Variants in SDR42E1 observed in about 807,000 individuals in gnomAD.
The protein encoded by SDR42E1 is short chain dehydrogenase/reductase family 42E, member 1.
In SDR42E1, 5 loss-of-function variants were observed where a neutral mutation model predicts 2.6. That is an observed-to-expected ratio of 1.94 (90% CI 1.01 to 4.08). The LOEUF (loss-of-function observed/expected upper bound fraction) is 4.08, where lower values mean the gene tolerates loss of function less well. Among genes scored for constraint, SDR42E1 ranks in the 30% most tolerant of loss-of-function variants. The probability of loss-of-function intolerance (pLI) is 0.00; values close to 1 mark genes in which losing one functional copy is unlikely to be tolerated. For synonymous variants in SDR42E1, 231 were observed against 188.3 expected (o/e 1.23, Z -1.86); for missense variants, 596 against 478.6 (o/e 1.25, Z -2.29).
chr16:82,006,380 A>G (rs1290781516), intron 1 of SDR42E1, among the ~76,000 whole-genome samples: 1 of 152,260 alleles, frequency 6.6e-6, no homozygotes, highest in East Asian at 1.9e-4. Flanking sequence ...AATTCCATGC[A>G]TGATCTGAAA....
chr16:82,001,068 G>A (rs555733262), intron 1 of SDR42E1, among the ~76,000 whole-genome samples, 184 bp from the exon 2 acceptor site: 3 of 152,168 alleles, frequency 2.0e-5, no homozygotes, highest in South Asian at 4.1e-4. Flanking sequence ...AATTTCACCC[G>A]ATGTAACATG....
At position 81,991,707 on chromosome 16, in the gene SDR42E1, C is replaced by CAA. The variant is rs61406883; in HGVS notation, c.*7402_*7403dup. ...GCCTGGGTGACAGACGAGACTCTATCAAAAAAAAAAAAAAAAAAATTTGGT... is the reference window on the plus strand; with the variant it reads ...GCCTGGGTGACAGACGAGACTCTATCAAAAAAAAAAAAAAAAAAAAATTTGGT... On this transcript the variant is annotated 3_prime_UTR_variant, in exon 3 of 3. Coordinates refer to ENST00000328945, the MANE Select transcript of SDR42E1 (RefSeq NM_145168.3). 0.077 allele frequency: 8,501 copies of CAA among 109,736 alleles called. 456 individuals carry two copies. The highest frequency in any genetic ancestry group is 0.15 in the African/African-American group (4,744 of 31,930). 6.8% of individuals were successfully genotyped at this position (109,736 alleles called of 1,614,324 possible).
rs1388640402 is a variant in SDR42E1, at chr16:81,999,269, C to G, written c.1024G>C (p.Asp342His). 6.2e-7 allele frequency: 1 copy of G among 1,614,200 alleles called. No individual in the cohort carries two copies. Among genetic ancestry groups the G allele is most frequent in the South Asian group, 1.1e-5 (1 of 91,080 alleles). The change falls in exon 3 of 3, where the codon GAC becomes CAC. Residue 342 changes from aspartate (D) to histidine (H), a missense_variant. Asp to His is a moderately conservative substitution (Grantham distance 81). Coordinates refer to ENST00000328945, the MANE Select transcript of SDR42E1 (RefSeq NM_145168.3). ...AACCATTCCACTGCTTCCTGGAGGT[C>G]AAATGGCTGAGCCTTATAACCTAGC... ...KELGYKAQPF[D>H]LQEAVEWFKA... is the part of the protein sequence containing the mutation.
At chr16:82,010,287 T>A (rs1455023932) in intron 1 of SDR42E1, among the ~76,000 whole-genome samples, 1 of 152,182 alleles carries the variant, frequency 6.6e-6, no homozygotes, top group African/African-American at 2.4e-5. Context: ...AGATCAGAGG[T>A]TAGGAACCTT....
chr16:82,000,938 C>T (rs568148941), intron 1 of SDR42E1, 54 bp from the exon 2 acceptor site: 1 of 1,289,092 alleles, frequency 7.8e-7, no homozygotes, highest in Admixed American at 2.0e-5. Flanking sequence ...ACGTCATTCT[C>T]CCTAATTTTG....
Position 82,000,007 on chromosome 16 carries a change from T to G in SDR42E1, c.286A>C (p.Lys96Gln), listed in dbSNP as rs16956174. 1 of 1,613,980 alleles carries G rather than the reference T, an allele frequency of 6.2e-7. No individual in the cohort carries two copies. Among genetic ancestry groups the G allele is most frequent in the African/African-American group, 1.3e-5 (1 of 74,852 alleles). The change falls in exon 3 of 3, where the codon AAA becomes CAA. Residue 96 changes from lysine to glutamine, a missense_variant. Transcript: ENST00000328945. ...GREQLNRNLIKEVNVRGTDNI... is the reference protein window; with the variant it reads ...GREQLNRNLIQEVNVRGTDNI... ...TCTGTGCCCCTGACGTTGACTTCTT[T>G]GATCAGGTTTCGATTGAGTTGCTCC...
In SDR42E1 at chr16:81,995,441, T is replaced by C. The variant is rs1248465276; in HGVS notation, c.*3670A>G. On this transcript the variant is annotated 3_prime_UTR_variant, in exon 3 of 3. Coordinates refer to ENST00000328945, the MANE Select transcript of SDR42E1 (RefSeq NM_145168.3). ...TCCCTTTCAGGAAATAGACTAAGTC[T>C]TTTAAAGTGGTGAGTTTTCAGCTGA... 6.6e-6 allele frequency: 1 copy of C among 152,214 alleles called. No homozygotes were observed. Among genetic ancestry groups the C allele is most frequent in the East Asian group, 1.9e-4 (1 of 5,202 alleles). The allele number at this position is 152,214 out of a possible 1,614,324, so 9.4% of individuals were successfully genotyped here.
Position 81,999,984 on chromosome 16 carries a change from T to C in SDR42E1, c.309A>G (p.Thr103=). The change falls in exon 3 of 3, where the codon ACA becomes ACG. Residue 103 remains threonine, a synonymous_variant. Transcript: ENST00000328945. ...TTTGGCAAACCTGGAGGATGTTGTC[T>C]GTGCCCCTGACGTTGACTTCTTTGA... ...NLIKEVNVRG[T]DNILQVCQRR... The C allele has an allele frequency of 6.2e-7, 1 of 1,614,240 alleles. No individual in the cohort carries two copies. The highest frequency in any genetic ancestry group is 8.5e-7 in the Non-Finnish European group (1 of 1,180,036).
rs1912628948 is a variant in SDR42E1 at position 81,999,016 on chromosome 16, T to G, written c.*95A>C. On this transcript the variant is annotated 3_prime_UTR_variant, in exon 3 of 3. Coordinates refer to ENST00000328945, the MANE Select transcript of SDR42E1 (RefSeq NM_145168.3). ...CTTAAGTAGCAATTTGAAGAGCCAA[T>G]GTTTGGCACCAGATATCACTGTACA... The G allele has an allele frequency of 2.3e-6, 3 of 1,329,982 alleles. No homozygotes were observed. The highest frequency in any genetic ancestry group is 4.7e-5 in the East Asian group (2 of 42,742). 82.4% of individuals were successfully genotyped at this position (1,329,982 alleles called of 1,614,324 possible).
rs958646121 is a variant in SDR42E1 at position 81,992,777 on chromosome 16, C to T, written c.*6334G>A. 1 of 151,922 alleles carries T rather than the reference C, an allele frequency of 6.6e-6. No individual in the cohort carries two copies. The highest frequency in any genetic ancestry group is 1.5e-5 in the Non-Finnish European group (1 of 68,008). 9.4% of individuals were successfully genotyped at this position (151,922 alleles called of 1,614,324 possible). A position where few individuals can be genotyped will look rare whatever the true frequency, so the allele number is the denominator to read the frequency against. On this transcript the variant is annotated 3_prime_UTR_variant, in exon 3 of 3. Coordinates refer to ENST00000328945, the MANE Select transcript of SDR42E1 (RefSeq NM_145168.3). The stretch of plus-strand genomic sequence containing the variant: ...CTTTGTAGTGAACTAGATTTGGCCT[C>T]GGTCATAATTACTTGAGTTCAATGA...
Position 81,993,146 on chromosome 16 carries a change from G to T in SDR42E1, c.*5965C>A, listed in dbSNP as rs545288959. The T allele has an allele frequency of 3.1e-3, 471 of 152,358 alleles. 7 individuals carry two copies. The highest frequency in any genetic ancestry group is 0.029 in the South Asian group (142 of 4,828). 9.4% of individuals were successfully genotyped at this position (152,358 alleles called of 1,614,324 possible). On this transcript the variant is annotated 3_prime_UTR_variant, in exon 3 of 3. Coordinates refer to ENST00000328945, the MANE Select transcript of SDR42E1 (RefSeq NM_145168.3). ...AGGTGGGGGGTCACTCGAATCCAAG[G>T]CCCTTTGGCGAGTCCCATCTCCCCC...
intron 1 of SDR42E1, among the ~76,000 whole-genome samples, chr16:82,001,456 TAAAGTA>T (rs1567564510): frequency 6.6e-6 from 1 of 152,098 alleles, no homozygotes; most frequent in African/African-American, 2.4e-5. Context: ...TGCAAGTACT[TAAAGTA>T]CAAGTGCTCA....
rs1912586121 is a variant in SDR42E1 at position 81,997,933 on chromosome 16, C to G, written c.*1178G>C. 6.6e-6 allele frequency: 1 copy of G among 152,226 alleles called. No individual in the cohort carries two copies. The highest frequency in any genetic ancestry group is 1.5e-5 in the Non-Finnish European group (1 of 68,044). The allele number at this position is 152,226 out of a possible 1,614,324, so 9.4% of individuals were successfully genotyped here. A position where few individuals can be genotyped will look rare whatever the true frequency, so the allele number is the denominator to read the frequency against. On this transcript the variant is annotated 3_prime_UTR_variant, in exon 3 of 3. Transcript: ENST00000328945. ...TTGTATTTTACAGATACTCTCAAGA[C>G]TAACTCTAGCAGAACTTTCCACAGT...
intron 1 of SDR42E1, among the ~76,000 whole-genome samples, chr16:82,009,040 G>C (rs1567567790): frequency 1.3e-5 from 2 of 152,148 alleles, no homozygotes; most frequent in African/African-American, 2.4e-5. Flanking sequence ...CCCAAGCCTT[G>C]GAAACTTCCA....
In SDR42E1 at chr16:81,994,561, C is replaced by G. The variant is rs1324232688; in HGVS notation, c.*4550G>C. The G allele has an allele frequency of 6.6e-6, 1 of 152,210 alleles. No individual in the cohort carries two copies. The highest frequency in any genetic ancestry group is 1.9e-4 in the East Asian group (1 of 5,190). 9.4% of individuals were successfully genotyped at this position (152,210 alleles called of 1,614,324 possible). On this transcript the variant is annotated 3_prime_UTR_variant, in exon 3 of 3. Transcript: ENST00000328945. Reference sequence around the variant, plus strand: ...CCAAAAAGGAGCATGGGGTATCATTCTCTAAAGTGAGATATGCTGGTGAAC... The same window carrying G: ...CCAAAAAGGAGCATGGGGTATCATTGTCTAAAGTGAGATATGCTGGTGAAC...
chr16:82,010,535 T>C (rs770935050), intron 1 of SDR42E1, among the ~76,000 whole-genome samples: 1 of 152,184 alleles, frequency 6.6e-6, no homozygotes, highest in Non-Finnish European at 1.5e-5. Flanking sequence ...TCCCATTCTA[T>C]TCATGTATCT....
intron 1 of SDR42E1, among the ~76,000 whole-genome samples, chr16:82,006,912 G>A (rs569312944): frequency 1.3e-5 from 2 of 152,226 alleles, no homozygotes; most frequent in African/African-American, 4.8e-5. Context: ...TTTATGCAGG[G>A]TTTTGAATAT....
intron 1 of SDR42E1, among the ~76,000 whole-genome samples, chr16:82,005,488 A>G (rs1291123687): frequency 6.6e-6 from 1 of 152,208 alleles, no homozygotes; most frequent in Non-Finnish European, 1.5e-5. Flanking sequence ...CCCAACATTG[A>G]TAAGCACAGA....
chr16:82,004,064 G>A (rs1025222372), intron 1 of SDR42E1, among the ~76,000 whole-genome samples: 9 of 152,212 alleles, frequency 5.9e-5, no homozygotes, highest in Non-Finnish European at 4.4e-5. Flanking sequence ...AAACCCAAAC[G>A]AGACAGAGGT....
Sources: allele counts gnomAD v4.1 joint callset (sites outside exome capture counted in the v4.1 genomes callset), GRCh38; gene constraint gnomAD v4.1.1; transcripts MANE v1.5; gene names NCBI Gene and HGNC (gene_info 2026-07-23, HGNC 2026-07-21).